The following RBMS1 variants were observed in gnomAD, a reference collection of about 807,000 sequenced individuals.
RBMS1 encodes RNA-binding motif, single-stranded-interacting protein 1.
In RBMS1, 17 loss-of-function variants were observed where a neutral mutation model predicts 62.3. The ratio of observed to expected loss-of-function variants is 0.27; its 90% CI spans 0.19 to 0.41. The LOEUF (loss-of-function observed/expected upper bound fraction) is 0.41, where lower values mean the gene tolerates loss of function less well. Ranked by LOEUF, RBMS1 falls within the 10% of genes least tolerant of loss-of-function variation. The pLI, the probability that RBMS1 is intolerant of heterozygous loss-of-function variation, is 1.00. For synonymous variants in RBMS1, 172 were observed against 170.0 expected, an observed-to-expected ratio of 1.01 and a Z score of -0.09; for missense variants, 334 against 504.5, an observed-to-expected ratio of 0.66 and a Z score of 3.24.
intron 2 of RBMS1, among the ~76,000 whole-genome samples, chr2:160,330,764 A>G (rs1266720683): frequency 2.6e-5 from 4 of 152,114 alleles, no homozygotes; most frequent in South Asian, 4.2e-4. Context: ...CCATTCTCCA[A>G]CACTCACTGT....
At chr2:160,374,456 A>C (rs139288605) in intron 1 of RBMS1, among the ~76,000 whole-genome samples, 172 of 152,186 alleles carry the variant, frequency 1.1e-3, no homozygotes, top group Middle Eastern at 6.8e-3. Context: ...TGGTACTAAA[A>C]AGGTAGTAGG....
chr2:160,383,461 G>GC (rs1316571684), intron 1 of RBMS1, among the ~76,000 whole-genome samples: 8 of 148,802 alleles, frequency 5.4e-5, no homozygotes, highest in Admixed American at 2.7e-4. Context: ...ATTGGGGGGG[G>GC]GGGAACTGAC....
At chr2:160,295,099 G>C (rs140428696) in intron 6 of RBMS1, among the ~76,000 whole-genome samples, 6 of 152,160 alleles carry the variant, frequency 3.9e-5, no homozygotes, top group Non-Finnish European at 8.8e-5. Context: ...AAGTCTACTG[G>C]GGACTTGTTT....
At chr2:160,436,467 A>C (rs1683115445) in intron 1 of RBMS1, among the ~76,000 whole-genome samples, 1 of 152,250 alleles carries the variant, frequency 6.6e-6, no homozygotes, top group Admixed American at 6.5e-5. Flanking sequence ...AGATGATGAC[A>C]TGTGGAACAG....
intron 4 of RBMS1, among the ~76,000 whole-genome samples, chr2:160,312,606 C>G (rs1196714096): frequency 6.6e-6 from 1 of 151,908 alleles, no homozygotes; most frequent in Admixed American, 6.6e-5. Flanking sequence ...ATTTATATAC[C>G]ATTAATAATC....
intron 1 of RBMS1, among the ~76,000 whole-genome samples, chr2:160,454,969 T>C (rs1684156041): frequency 6.6e-6 from 1 of 152,254 alleles, no homozygotes; most frequent in South Asian, 2.1e-4. Flanking sequence ...TATTTGTCTC[T>C]GATCATTCTT....
At chr2:160,337,913 A>C (rs537705308) in intron 2 of RBMS1, among the ~76,000 whole-genome samples, 1 of 152,174 alleles carries the variant, frequency 6.6e-6, no homozygotes, top group African/African-American at 2.4e-5. Context: ...TGTGAGATGG[A>C]TATCAGCTCC....
At chr2:160,324,901 TATATATACACACACACACAC>T (rs753776956) in intron 2 of RBMS1, among the ~76,000 whole-genome samples, 22 of 118,784 alleles carry the variant, frequency 1.9e-4, no homozygotes, top group African/African-American at 7.3e-4. Context: ...TATATATATA[TATATATACACACACACACAC>T]ACACACACAC....
chr2:160,440,372 G>C (rs942413146), intron 1 of RBMS1, among the ~76,000 whole-genome samples: 1 of 152,118 alleles, frequency 6.6e-6, no homozygotes, highest in African/African-American at 2.4e-5. Flanking sequence ...CAGCATCCCT[G>C]ACTTGATGAT....
intron 2 of RBMS1, among the ~76,000 whole-genome samples, chr2:160,359,490 C>T (rs995600569): frequency 1.3e-5 from 2 of 152,152 alleles, no homozygotes; most frequent in African/African-American, 4.8e-5. Context: ...AACTGAGTCC[C>T]TCCTGGGTGG....
Position 160,273,949 on chromosome 2 carries a change from T to C in RBMS1, c.*823A>G, listed in dbSNP as rs1002953443. On this transcript the variant is annotated 3_prime_UTR_variant, in exon 14 of 14. Coordinates refer to ENST00000348849, the MANE Select transcript of RBMS1 (RefSeq NM_016836.4). ...CACAAAACATTTTTCCCTTCTTGCATTTCACTACCTTACACATTATGTGAA... is the reference window on the plus strand; with the variant it reads ...CACAAAACATTTTTCCCTTCTTGCACTTCACTACCTTACACATTATGTGAA... The C allele has an allele frequency of 1.3e-5, 2 of 152,658 alleles. No homozygotes were observed. The highest frequency in any genetic ancestry group is 2.9e-5 in the Non-Finnish European group (2 of 68,038). 9.5% of individuals were successfully genotyped at this position (152,658 alleles called of 1,614,324 possible).
chr2:160,307,710 GC>G (rs1689616634), intron 4 of RBMS1, among the ~76,000 whole-genome samples: 1 of 152,164 alleles, frequency 6.6e-6, no homozygotes, highest in African/African-American at 2.4e-5. Flanking sequence ...CTCAATATCT[GC>G]CCAAGCTTGG....
At chr2:160,415,354 T>C (rs748569563) in intron 1 of RBMS1, among the ~76,000 whole-genome samples, 3 of 152,102 alleles carry the variant, frequency 2.0e-5, no homozygotes, top group Non-Finnish European at 4.4e-5. Flanking sequence ...TAATTACCTA[T>C]GTATGTGAGC....
Position 160,472,465 on chromosome 2 carries a change from T to A in RBMS1, c.75+20824A>T, listed in dbSNP as rs1684962262. 3.9e-5 allele frequency among the ~76,000 whole-genome samples: 6 copies of A among 152,172 alleles called. No individual in the cohort carries two copies. The South Asian group carries it at 1.2e-3, about 32-fold the overall frequency. ...TTCTGGCCGAGCTATAACTATAAAATTAGCCTAACTAACTTTAACAAAATA... is the reference window on the plus strand; with the variant it reads ...TTCTGGCCGAGCTATAACTATAAAAATAGCCTAACTAACTTTAACAAAATA... On this transcript the variant is annotated intron_variant, in intron 1 of 13. Coordinates refer to ENST00000348849, the MANE Select transcript of RBMS1 (RefSeq NM_016836.4).
chr2:160,432,659 G>T (rs570941967), intron 1 of RBMS1, among the ~76,000 whole-genome samples: 1 of 152,188 alleles, frequency 6.6e-6, no homozygotes, highest in East Asian at 1.9e-4. Context: ...TTGTCCAAAA[G>T]AAGTCTTTTC....
chr2:160,384,251 A>C (rs1179932738), intron 1 of RBMS1, among the ~76,000 whole-genome samples: 1 of 152,204 alleles, frequency 6.6e-6, no homozygotes, highest in Non-Finnish European at 1.5e-5. Context: ...AAATGAAAAA[A>C]AATTGAATTT....
intron 1 of RBMS1, among the ~76,000 whole-genome samples, chr2:160,402,447 C>A (rs551555636): frequency 6.6e-6 from 1 of 152,264 alleles, no homozygotes; most frequent in South Asian, 2.1e-4. Context: ...TGAGAGAGGG[C>A]TGCTAGATTT....
intron 2 of RBMS1, among the ~76,000 whole-genome samples, chr2:160,349,853 T>C (rs1692396773): frequency 1.3e-5 from 2 of 149,156 alleles, no homozygotes; most frequent in African/African-American, 2.5e-5. Flanking sequence ...GGGGTTGAGA[T>C]TGAGAATGCC....
At chr2:160,382,997 G>A (rs919545685) in intron 1 of RBMS1, among the ~76,000 whole-genome samples, 2 of 152,116 alleles carry the variant, frequency 1.3e-5, no homozygotes, top group African/African-American at 4.8e-5. Context: ...CTACAACACT[G>A]TACATGGACA....
Sources: gnomAD v4.1 joint callset for allele counts (sites outside exome capture counted in the v4.1 genomes callset) on GRCh38, gnomAD v4.1.1 for gene constraint, MANE v1.5 for transcripts, NCBI Gene and HGNC (gene_info 2026-07-23, HGNC 2026-07-21) for gene names.